DNAH17: variants seen among roughly 807,000 people sequenced by gnomAD.
DNAH17 encodes the protein dynein axonemal heavy chain 17, also known as axonemal beta dynein heavy chain 17.
DNAH17 carries 376 observed loss-of-function variants against 485.6 expected under a neutral mutation model. That is an observed-to-expected ratio of 0.77 (90% CI 0.71 to 0.84). DNAH17 has a LOEUF of 0.84. DNAH17 is among the 40% of genes least tolerant of loss of function. The pLI, the probability that DNAH17 is intolerant of heterozygous loss-of-function variation, is 0.00. For missense variants in DNAH17, 6,370 were observed against 5,839.3 expected (o/e 1.09, Z -2.96); for synonymous variants, 3,031 against 2,405.9 (o/e 1.26, Z -7.60).
intron 22 of DNAH17, among the ~76,000 whole-genome samples, chr17:78,528,480 C>T (rs2091137085): frequency 6.6e-6 from 1 of 152,148 alleles, no homozygotes; most frequent in African/African-American, 2.4e-5. Context: ...GGGGCCCCTC[C>T]CTCTTGTCAC....
rs369785584 is a variant in DNAH17 at position 78,475,480 on chromosome 17, C to T, written c.8320-11G>A. On this transcript the variant is annotated splice_polypyrimidine_tract_variant and intron_variant, in intron 53 of 80. Transcript: ENST00000389840. ...GTCCTCAAACAGCACCTGCAGAAAC[C>T]GGAGAGATCCCACAACATCTTGTAG... 2.5e-6 allele frequency: 4 copies of T among 1,613,452 alleles called. No homozygotes were observed. The highest frequency in any genetic ancestry group is 2.5e-6 in the Non-Finnish European group (3 of 1,179,852).
intron 44 of DNAH17, among the ~76,000 whole-genome samples, chr17:78,487,516 G>A (rs1354683137): frequency 6.6e-6 from 1 of 152,046 alleles, no homozygotes; most frequent in Non-Finnish European, 1.5e-5. Context: ...ACCGGCAGAC[G>A]TGCCTCTTTA....
Position 78,570,493 on chromosome 17 carries a change from A to AG in DNAH17, c.919-122dup, listed in dbSNP as rs1251275240. 6 of 1,323,524 alleles carry AG rather than the reference A, an allele frequency of 4.5e-6. No individual in the cohort carries two copies. The African/African-American group carries it at 7.4e-5, about 16-fold the overall frequency. The allele number at this position is 1,323,524 out of a possible 1,614,324, so 82.0% of individuals were successfully genotyped here. A position where few individuals can be genotyped will look rare whatever the true frequency, so the allele number is the denominator to read the frequency against. ...ATCCAGCAGAGGGTTCCCAAAGAGG[A>AG]GGGGAGAGGCAACTCCCTAGGCCCA... On this transcript the variant is annotated intron_variant, in intron 6 of 80. Coordinates refer to ENST00000389840, the MANE Select transcript of DNAH17 (RefSeq NM_173628.4).
chr17:78,533,495 C>T (rs1251613314), intron 19 of DNAH17, among the ~76,000 whole-genome samples: 5 of 152,066 alleles, frequency 3.3e-5, no homozygotes, highest in South Asian at 4.2e-4. Flanking sequence ...AGTCTACTGT[C>T]GGTGGCTAGA....
At chr17:78,483,475 C>A (rs1384640785) in intron 48 of DNAH17, among the ~76,000 whole-genome samples, 1 of 151,960 alleles carries the variant, frequency 6.6e-6, no homozygotes, top group Non-Finnish European at 1.5e-5. Flanking sequence ...ACTAAAAATA[C>A]AAAAATTAGG....
Position 78,574,881 on chromosome 17 carries a change from G to T in DNAH17, c.177C>A (p.Ala59=). Residue 59 remains alanine (A), a synonymous_variant, in exon 2 of 81, where the codon GCC becomes GCA. Transcript: ENST00000389840. ...AGCCCAGGCAGGGTATGATCATGCC[G>T]GCTGCATTGAGCGTCAGCACCAGCA... ...VQVLVLTLNA[A]GMIIPCLGFP... is the part of the protein sequence containing the mutation. 1.2e-6 allele frequency: 2 copies of T among 1,614,010 alleles called. No individual in the cohort carries two copies. Among genetic ancestry groups the T allele is most frequent in the South Asian group, 2.2e-5 (2 of 91,082 alleles).
In DNAH17 at chr17:78,571,659, G is replaced by A. The variant is rs965418149; in HGVS notation, c.663C>T (p.His221=). The change falls in exon 4 of 81, where the codon CAC becomes CAT. Residue 221 remains histidine (H), a synonymous_variant. Coordinates refer to ENST00000389840, the MANE Select transcript of DNAH17 (RefSeq NM_173628.4). ...DSAQALLDGL[H]PLPQVEFEFW... is the part of the protein sequence containing the mutation. ...ACTCGAACTCCACTTGGGGCAGGGGGTGCAGCCCATCCAGCAGCGCCTGGG... is the reference window on the plus strand; with the variant it reads ...ACTCGAACTCCACTTGGGGCAGGGGATGCAGCCCATCCAGCAGCGCCTGGG... 2.5e-6 allele frequency: 4 copies of A among 1,614,016 alleles called. No homozygotes were observed. Among genetic ancestry groups the A allele is most frequent in the Non-Finnish European group, 3.4e-6 (4 of 1,179,886 alleles).
Position 78,492,742 on chromosome 17 carries a change from G to A in DNAH17, c.6432C>T (p.Thr2144=), listed in dbSNP as rs370764200. 6.2e-7 allele frequency: 1 copy of A among 1,612,558 alleles called. No individual in the cohort carries two copies. The highest frequency in any genetic ancestry group is 8.5e-7 in the Non-Finnish European group (1 of 1,179,334). Residue 2144 remains threonine (T), a synonymous_variant, in exon 42 of 81, where the codon ACC becomes ACT. Transcript: ENST00000389840. ...KSQVLKSLNK[T]YQNLKRKPVA... ...CCGGCTTCCTCTTCAGGTTCTGATAGGTCTTGTTGAGGGATTTGAGGACCT... is the reference window on the plus strand; with the variant it reads ...CCGGCTTCCTCTTCAGGTTCTGATAAGTCTTGTTGAGGGATTTGAGGACCT...
chr17:78,448,320 G>A (rs116558293), intron 69 of DNAH17, among the ~76,000 whole-genome samples: 5,373 of 151,950 alleles, frequency 0.035, 276 homozygotes, highest in African/African-American at 0.11. Flanking sequence ...GCAACAGAGC[G>A]AGACTTTGTC....
intron 11 of DNAH17, among the ~76,000 whole-genome samples, chr17:78,565,366 C>A (rs1053756040): frequency 6.6e-6 from 1 of 152,264 alleles, no homozygotes; most frequent in Non-Finnish European, 1.5e-5. Flanking sequence ...CCAAGACTTA[C>A]TTGATCCTTA....
intron 26 of DNAH17, among the ~76,000 whole-genome samples, chr17:78,512,757 G>A (rs2090667313): frequency 1.3e-5 from 2 of 152,000 alleles, no homozygotes; most frequent in South Asian, 4.1e-4. Context: ...GCTTGGCCAA[G>A]GTGAAACCCT....
chr17:78,466,881 T>C, intron 55 of DNAH17, 65 bp from the exon 56 acceptor site: 2 of 1,427,156 alleles, frequency 1.4e-6, no homozygotes, highest in Non-Finnish European at 1.9e-6. Flanking sequence ...AATCCATCAC[T>C]CTGCAGAAAG....
Position 78,575,554 on chromosome 17 carries a change from C to A in DNAH17, c.-25-472G>T, listed in dbSNP as rs568601447. On this transcript the variant is annotated intron_variant, in intron 1 of 80. Coordinates refer to ENST00000389840, the MANE Select transcript of DNAH17 (RefSeq NM_173628.4). Reference sequence around the variant, plus strand: ...AAGGAAGCAGACCCCACGTGCAGGCCGTGAGGCTCAGCGCTCAGTCTTAGC... The same window carrying A: ...AAGGAAGCAGACCCCACGTGCAGGCAGTGAGGCTCAGCGCTCAGTCTTAGC... Among the ~76,000 whole-genome samples the A allele has an allele frequency of 6.1e-3, 929 of 152,258 alleles. 6 individuals carry two copies. The highest frequency in any genetic ancestry group is 0.021 in the African/African-American group (882 of 41,542).
intron 37 of DNAH17, among the ~76,000 whole-genome samples, chr17:78,498,502 G>A (rs1051912279): frequency 3.9e-5 from 6 of 152,336 alleles, no homozygotes; most frequent in Admixed American, 2.6e-4. Flanking sequence ...GCATCAGTGG[G>A]GGTGGGGCGC....
intron 44 of DNAH17, 46 bp from the exon 45 acceptor site, chr17:78,486,552 C>G: frequency 6.4e-7 from 1 of 1,554,614 alleles, no homozygotes; most frequent in South Asian, 1.2e-5. Context: ...TGCTCTGGGT[C>G]TGCCAGTGTC....
At chr17:78,538,241 AG>A (rs1363357366) in intron 18 of DNAH17, among the ~76,000 whole-genome samples, 1 of 151,714 alleles carries the variant, frequency 6.6e-6, no homozygotes, top group Non-Finnish European at 1.5e-5. Context: ...CAGGTACTGC[AG>A]GGGCTGGCCA....
chr17:78,472,430 C>A (rs757666208), intron 54 of DNAH17, among the ~76,000 whole-genome samples: 7 of 152,268 alleles, frequency 4.6e-5, no homozygotes, highest in Non-Finnish European at 8.8e-5. Context: ...CCACCCCACC[C>A]GATGGCTGCT....
Position 78,543,934 on chromosome 17 carries a change from C to G in DNAH17, c.2455G>C (p.Asp819His), listed in dbSNP as rs1175636525. Residue 819 changes from aspartate to histidine, a missense_variant, in exon 17 of 81, where the codon GAT becomes CAT. Transcript: ENST00000389840. ...DNKKEALLDL[D>H]GRIANLNKRY... ...TTGTTGAGGTTGGCAATTCTTCCAT[C>G]CAAGTCTAACAGGGCCTCTTTCTTA... 6.2e-7 allele frequency: 1 copy of G among 1,614,028 alleles called. No individual in the cohort carries two copies. The highest frequency in any genetic ancestry group is 2.2e-5 in the East Asian group (1 of 44,892).
At chr17:78,441,016 C>G in intron 72 of DNAH17, 35 bp downstream of exon 72, 1 of 1,553,510 alleles carries the variant, frequency 6.4e-7, no homozygotes, top group Non-Finnish European at 8.7e-7. Context: ...GACAATACTC[C>G]GTCTTTGAGA....
Sources: allele counts gnomAD v4.1 joint callset (sites outside exome capture counted in the v4.1 genomes callset), GRCh38; gene constraint gnomAD v4.1.1; transcripts MANE v1.5; gene names NCBI Gene and HGNC (gene_info 2026-07-23, HGNC 2026-07-21).